SERAC1: variants seen among roughly 807,000 people sequenced by gnomAD.
The protein encoded by SERAC1 is serine active site containing 1.
A neutral mutation model predicts 85.7 loss-of-function variants in SERAC1; 36 were observed. The observed-to-expected ratio is 0.42, with a 90% CI of 0.32 to 0.55. SERAC1 has a LOEUF of 0.55. SERAC1 is among the 20% of genes least tolerant of loss of function. The pLI, the probability that SERAC1 is intolerant of heterozygous loss-of-function variation, is 0.11. For synonymous variants in SERAC1, 242 were observed against 265.3 expected, an observed-to-expected ratio of 0.91 and a Z score of 0.85; for missense variants, 629 against 796.2, an observed-to-expected ratio of 0.79 and a Z score of 2.53.
At position 158,128,112 on chromosome 6, in the gene SERAC1, G is replaced by A. The variant is rs1784588810; in HGVS notation, c.1011C>T (p.Arg337=). 1 of 1,613,550 alleles carries A rather than the reference G, an allele frequency of 6.2e-7. No homozygotes were observed. The highest frequency in any genetic ancestry group is 1.3e-5 in the African/African-American group (1 of 74,842). ...CTCAGTATATAAAGCTGTTACCTGA[G>A]CGAACTATAGAAGAATGAAGATGTT... is the stretch of plus-strand genomic sequence containing the variant. ...LNEHLHSSIV[R]SGWVSIMAEA... The change falls in exon 10 of 17, where the codon CGC becomes CGT. Residue 337 remains arginine (R), a synonymous_variant. Transcript: ENST00000647468.
chr6:158,122,150 T>C (rs1784437729), intron 10 of SERAC1, among the ~76,000 whole-genome samples: 1 of 152,220 alleles, frequency 6.6e-6, no homozygotes, highest in Non-Finnish European at 1.5e-5. Flanking sequence ...ACCTGCTGTA[T>C]AGGTTTGGAG....
intron 15 of SERAC1, 73 bp downstream of exon 15, chr6:158,114,716 A>ATATAAAATGAGATAATACATTCAAGGAC: frequency 1.9e-6 from 3 of 1,594,668 alleles, no homozygotes; most frequent in Non-Finnish European, 2.6e-6. Context: ...CATTCAAGGA[A>ATATAAAATGAGATAATACATTCAAGGAC]GAAACTTTTT....
At chr6:158,145,304 A>C (rs1281439203) in intron 6 of SERAC1, 1 of 152,172 alleles carries the variant, frequency 6.6e-6, no homozygotes, top group African/African-American at 2.4e-5. Context: ...ACTTTTCCAA[A>C]ATCTGTGGGC....
intron 8 of SERAC1, among the ~76,000 whole-genome samples, chr6:158,134,944 G>C (rs998741537): frequency 2.0e-5 from 3 of 152,104 alleles, no homozygotes; most frequent in African/African-American, 7.2e-5. Context: ...CAGCCAATAA[G>C]TGTTGAGCTG....
chr6:158,150,175 T>C (rs949927045), intron 4 of SERAC1, among the ~76,000 whole-genome samples: 1 of 152,212 alleles, frequency 6.6e-6, no homozygotes, highest in African/African-American at 2.4e-5. Flanking sequence ...AGCCAGCCTC[T>C]GTATTGACAG....
chr6:158,120,443 T>G lies in SERAC1; in HGVS notation c.1148A>C (p.His383Pro). 1 of 1,613,140 alleles carries G rather than the reference T, an allele frequency of 6.2e-7. No individual in the cohort carries two copies. The highest frequency in any genetic ancestry group is 8.5e-7 in the Non-Finnish European group (1 of 1,179,536). Residue 383 changes from histidine to proline, a missense_variant, in exon 11 of 17, where the codon CAT (histidine) becomes CCT (proline). Physicochemically the swap from His to Pro is moderately conservative, Grantham distance 77. Coordinates refer to ENST00000647468, the MANE Select transcript of SERAC1 (RefSeq NM_032861.4). The surrounding 1 kb of genome is among the most constrained non-coding windows in gnomAD (Gnocchi z 4.4). ...EKYQDGVYVL[H>P]PQYRTSQPIK... ...TCCTTACCTTGTTCGATATTGGGGATGCAGCACATATACGCCATCCTGATA... is the reference window on the plus strand; with the variant it reads ...TCCTTACCTTGTTCGATATTGGGGAGGCAGCACATATACGCCATCCTGATA...
At chr6:158,122,427 T>C (rs1784444447) in intron 10 of SERAC1, among the ~76,000 whole-genome samples, 1 of 152,212 alleles carries the variant, frequency 6.6e-6, no homozygotes. Context: ...CTCAGAGTAA[T>C]GAAAGGTAGA....
At chr6:158,144,970 G>A (rs576587624) in intron 6 of SERAC1, among the ~76,000 whole-genome samples, 1 of 152,250 alleles carries the variant, frequency 6.6e-6, no homozygotes, top group Admixed American at 6.5e-5. Flanking sequence ...TTGGCCAGTC[G>A]CCATGGTTCA....
chr6:158,126,090 A>G (rs1404617158), intron 10 of SERAC1, among the ~76,000 whole-genome samples: 1 of 152,238 alleles, frequency 6.6e-6, no homozygotes, highest in Non-Finnish European at 1.5e-5. Flanking sequence ...ATATATGTGT[A>G]CATATACATT....
At chr6:158,148,685 C>T (rs1239438577) in intron 5 of SERAC1, among the ~76,000 whole-genome samples, 180 bp downstream of exon 5, 1 of 152,136 alleles carries the variant, frequency 6.6e-6, no homozygotes, top group Non-Finnish European at 1.5e-5. Flanking sequence ...TCAGGTGACC[C>T]ACCCACCTCA....
chr6:158,141,548 C>G (rs1784915784), intron 8 of SERAC1, among the ~76,000 whole-genome samples: 1 of 152,160 alleles, frequency 6.6e-6, no homozygotes, highest in Non-Finnish European at 1.5e-5. Flanking sequence ...CCCCAGGGTC[C>G]ACCAGCTCTA....
chr6:158,129,799 C>T (rs1247233510), intron 9 of SERAC1, among the ~76,000 whole-genome samples: 2 of 151,680 alleles, frequency 1.3e-5, no homozygotes, highest in Middle Eastern at 3.4e-3. Flanking sequence ...CAGGTTCAAG[C>T]GATTCTCCTG....
In SERAC1 at chr6:158,120,386, T is replaced by C. The variant is rs1342737653; in HGVS notation, c.1166+39A>G. 1.3e-6 allele frequency: 2 copies of C among 1,578,786 alleles called. No individual in the cohort carries two copies. The highest frequency in any genetic ancestry group is 3.6e-5 in the Admixed American group (2 of 56,072). ...AATTTGAGGCCTCTAGGCTTCACAT[T>C]TCCAAAGGGGACAAAGCAACTCTCT... On this transcript the variant is annotated intron_variant, in intron 11 of 16. Coordinates refer to ENST00000647468, the MANE Select transcript of SERAC1 (RefSeq NM_032861.4). This position sits in a 1 kb window ranked among gnomAD's most constrained non-coding sequence, Gnocchi z 4.4.
Position 158,114,853 on chromosome 6 carries a change from A to C in SERAC1, c.1620T>G (p.Ala540=). The change falls in exon 15 of 17, where the codon GCT becomes GCG. Residue 540 remains alanine, a synonymous_variant. Transcript: ENST00000647468. ...GATAGCGAATATTAACAGAGTATTC[A>C]GCCAAACGTGATCCATGATGAGGGA... The part of the protein sequence containing the change: ...YSVPHHGSRL[A]EYSVNIRYLL... 1.2e-6 allele frequency: 2 copies of C among 1,614,114 alleles called. No individual in the cohort carries two copies. The highest frequency in any genetic ancestry group is 1.7e-6 in the Non-Finnish European group (2 of 1,179,990).
intron 8 of SERAC1, among the ~76,000 whole-genome samples, chr6:158,141,357 T>C (rs1400945276): frequency 6.6e-6 from 1 of 152,190 alleles, no homozygotes; most frequent in Non-Finnish European, 1.5e-5. Flanking sequence ...TGGAATTAGA[T>C]TGGAGTAATG....
At chr6:158,153,938 C>T (rs1231429231) in intron 3 of SERAC1, among the ~76,000 whole-genome samples, 4 of 151,942 alleles carry the variant, frequency 2.6e-5, no homozygotes, top group Non-Finnish European at 4.4e-5. Context: ...CAAGACTAGC[C>T]TGGGCAACAT....
intron 10 of SERAC1, among the ~76,000 whole-genome samples, chr6:158,127,261 C>T (rs868314415): frequency 0.051 from 151 of 2,968 alleles, 55 homozygotes; most frequent in African/African-American, 0.12. Flanking sequence ...TCGGCCCCCC[C>T]GCCCAGCCAG....
At chr6:158,114,652 A>G in intron 15 of SERAC1, 137 bp downstream of exon 15, 1 of 889,804 alleles carries the variant, frequency 1.1e-6, no homozygotes, top group Non-Finnish European at 1.4e-6. Context: ...CCAACCCAAA[A>G]TTTCCATGAA....
intron 7 of SERAC1, 62 bp from the exon 8 acceptor site, chr6:158,143,246 T>C: frequency 6.3e-7 from 1 of 1,577,118 alleles, no homozygotes; most frequent in Non-Finnish European, 8.6e-7. Flanking sequence ...ACAAAAAATA[T>C]CCAAAGACTC....
Sources: allele counts gnomAD v4.1 joint callset (sites outside exome capture counted in the v4.1 genomes callset), GRCh38; gene constraint gnomAD v4.1.1; non-coding constraint Gnocchi (gnomAD v3.1); transcripts MANE v1.5; gene names NCBI Gene and HGNC (gene_info 2026-07-23, HGNC 2026-07-21).